The following CDKL4 variants were observed in gnomAD, a reference collection of about 807,000 sequenced individuals.
CDKL4 encodes cyclin-dependent kinase-like 4.
A neutral mutation model predicts 42.0 loss-of-function variants in CDKL4; 44 were observed. The observed-to-expected ratio is 1.05, with a 90% CI of 0.82 to 1.35. The LOEUF is 1.35. Among genes scored for constraint, CDKL4 ranks in the 40% most tolerant of loss-of-function variants. CDKL4 has a pLI of 0.00. For synonymous variants in CDKL4, 120 were observed against 121.6 expected (o/e 0.99, Z 0.09); for missense variants, 393 against 369.9 (o/e 1.06, Z -0.51).
chr2:39,194,939 A>C (rs547021501), intron 5 of CDKL4, among the ~76,000 whole-genome samples: 1 of 152,168 alleles, frequency 6.6e-6, no homozygotes, highest in African/African-American at 2.4e-5. Context: ...TCCCAGCCTG[A>C]AACTCTGTAT....
chr2:39,222,573 G>C (rs1678443618), intron 3 of CDKL4, among the ~76,000 whole-genome samples: 1 of 152,102 alleles, frequency 6.6e-6, no homozygotes, highest in African/African-American at 2.4e-5. Flanking sequence ...CTGGGCGACA[G>C]TGTGAGACTC....
chr2:39,185,538 C>T (rs1366247069), intron 7 of CDKL4, among the ~76,000 whole-genome samples: 1 of 149,082 alleles, frequency 6.7e-6, no homozygotes, highest in Non-Finnish European at 1.5e-5. Flanking sequence ...ACAAGGCTCA[C>T]AGCAAGCTCC....
chr2:39,229,278 G>C lies in CDKL4; in HGVS notation c.168+87C>G, dbSNP rs1573022526. ...CAAAGGAATTTAAGTCCAATGGGGG[G>C]AAAATAACTTTAAAATTCTTTGCAA... On this transcript the variant is annotated intron_variant, in intron 2 of 9. Coordinates refer to ENST00000451199, the Ensembl canonical transcript of CDKL4. The C allele has an allele frequency of 3.0e-6, 3 of 990,308 alleles. No homozygotes were observed. The East Asian group carries it at 8.1e-5, about 27-fold the overall frequency. The allele number at this position is 990,308 out of a possible 1,614,324, so 61.3% of individuals were successfully genotyped here.
chr2:39,171,700 AAAAC>A (rs1199712530), downstream of CDKL4, among the ~76,000 whole-genome samples: 5 of 152,196 alleles, frequency 3.3e-5, no homozygotes, highest in Admixed American at 1.3e-4. Context: ...AACACACTAA[AAAAC>A]AAACAAACAA....
chr2:39,170,064 A>T, the CDKL4 span, among the ~76,000 whole-genome samples: 18 of 151,992 alleles, frequency 1.2e-4, no homozygotes, highest in Non-Finnish European at 1.8e-4. Flanking sequence ...GAGTTTTGAC[A>T]TGTTGCCCAG....
chr2:39,179,657 G>A (rs866229033), intron 8 of CDKL4, among the ~76,000 whole-genome samples: 1 of 152,184 alleles, frequency 6.6e-6, no homozygotes, highest in South Asian at 2.1e-4. Flanking sequence ...AAACATCAGC[G>A]TCGCAGGAAC....
intron 5 of CDKL4, among the ~76,000 whole-genome samples, chr2:39,201,436 A>G (rs1447933162): frequency 6.6e-6 from 1 of 152,174 alleles, no homozygotes; most frequent in Admixed American, 6.5e-5. Context: ...CTAAAAGTAG[A>G]TCTACCATTT....
At chr2:39,193,808 G>A (rs1204927886) in intron 5 of CDKL4, among the ~76,000 whole-genome samples, 1 of 152,176 alleles carries the variant, frequency 6.6e-6, no homozygotes, top group Non-Finnish European at 1.5e-5. Context: ...ATAGAATTGG[G>A]ACCAGTCTGT....
intron 4 of CDKL4, among the ~76,000 whole-genome samples, chr2:39,208,539 C>T (rs1364117144): frequency 1.3e-5 from 2 of 151,962 alleles, no homozygotes; most frequent in South Asian, 2.1e-4. Flanking sequence ...CATGGGGTTT[C>T]GCCATGTTGG....
intron 2 of CDKL4, 30 bp downstream of exon 2, chr2:39,229,335 A>G: frequency 7.0e-7 from 1 of 1,427,750 alleles, no homozygotes; most frequent in South Asian, 1.3e-5. Context: ...CAATTCCATG[A>G]TATTTTACAT....
intron 4 of CDKL4, among the ~76,000 whole-genome samples, chr2:39,212,358 C>T (rs1047924861): frequency 5.3e-5 from 8 of 151,830 alleles, no homozygotes; most frequent in Non-Finnish European, 7.4e-5. Context: ...CTCAGCCTCC[C>T]GAGTAGCTGG....
chr2:39,243,618 C>G (rs898526387), intron 1 of CDKL4, among the ~76,000 whole-genome samples: 2 of 152,272 alleles, frequency 1.3e-5, no homozygotes, highest in East Asian at 3.8e-4. Context: ...GCGCGCTCCT[C>G]GGCCCCCGCC....
At chr2:39,244,367 G>A (rs1256123345), upstream of CDKL4, among the ~76,000 whole-genome samples, 1 of 152,230 alleles carries the variant, frequency 6.6e-6, no homozygotes, top group Admixed American at 6.5e-5. Flanking sequence ...CCCGCACTCT[G>A]AGCAGCCCGC....
chr2:39,213,300 T>C, intron 4 of CDKL4, 100 bp downstream of exon 4: 1 of 779,652 alleles, frequency 1.3e-6, no homozygotes, highest in Non-Finnish European at 2.1e-6. Context: ...TGGCTCTTAC[T>C]TTCCCTTTGT....
chr2:39,227,681 G>C (rs545666206), intron 2 of CDKL4, among the ~76,000 whole-genome samples: 1 of 152,326 alleles, frequency 6.6e-6, no homozygotes, highest in South Asian at 2.1e-4. Flanking sequence ...TAAAAAGCCA[G>C]TGGCTTTGTG....
At chr2:39,189,979 C>T (rs901868102) in intron 6 of CDKL4, among the ~76,000 whole-genome samples, 4 of 152,168 alleles carry the variant, frequency 2.6e-5, no homozygotes, top group African/African-American at 9.7e-5. Flanking sequence ...GATCAAATAT[C>T]TTAGATTAAG....
chr2:39,190,221 TTTTA>T (rs1168236630), intron 6 of CDKL4, 80 bp downstream of exon 6: 25 of 954,470 alleles, frequency 2.6e-5, no homozygotes, highest in Middle Eastern at 3.4e-4. Context: ...TGTTTTTTAT[TTTTA>T]TTTATTTATT....
intron 9 of CDKL4, 82 bp from the exon 10 acceptor site, chr2:39,176,178 C>A: frequency 2.6e-6 from 1 of 391,662 alleles, no homozygotes. Context: ...GATGATAAGA[C>A]AAGCAGATAC....
chr2:39,181,721 T>G (rs1355377835), intron 8 of CDKL4, among the ~76,000 whole-genome samples: 1 of 151,846 alleles, frequency 6.6e-6, no homozygotes, highest in Non-Finnish European at 1.5e-5. Flanking sequence ...ACACACAGAG[T>G]GAATGCCATG....
Sources: allele counts gnomAD v4.1 joint callset (sites outside exome capture counted in the v4.1 genomes callset), GRCh38; gene constraint gnomAD v4.1.1; transcripts MANE v1.5; gene names NCBI Gene and HGNC (gene_info 2026-07-23, HGNC 2026-07-21).